PRKN: variants seen among roughly 807,000 people sequenced by gnomAD.
PRKN encodes parkin RBR E3 ubiquitin protein ligase.
A neutral mutation model predicts 59.5 loss-of-function variants in PRKN; 56 were observed. The observed-to-expected ratio is 0.94, with a 90% CI of 0.76 to 1.18. PRKN has a LOEUF of 1.18. Among genes scored for constraint, PRKN ranks in the 50% most tolerant of loss-of-function variants. The pLI is 0.00. For synonymous variants in PRKN, 250 were observed against 222.1 expected, an observed-to-expected ratio of 1.13 and a Z score of -1.12; for missense variants, 657 against 596.4, an observed-to-expected ratio of 1.10 and a Z score of -1.06.
At chr6:162,067,006 A>C (rs145945307) in intron 4 of PRKN, among the ~76,000 whole-genome samples, 1,658 of 152,272 alleles carry the variant, frequency 0.011, 32 homozygotes, top group African/African-American at 0.038. Context: ...AGTGATGACC[A>C]ACGGGATATA....
intron 7 of PRKN, among the ~76,000 whole-genome samples, chr6:161,626,464 G>C (rs1380413174): frequency 1.3e-5 from 2 of 152,204 alleles, no homozygotes; most frequent in African/African-American, 4.8e-5. Context: ...GGAACACACT[G>C]ATATTTTTTC....
At chr6:161,609,710 A>G (rs760687505) in intron 7 of PRKN, among the ~76,000 whole-genome samples, 2 of 152,188 alleles carry the variant, frequency 1.3e-5, no homozygotes, top group Non-Finnish European at 2.9e-5. Flanking sequence ...CTAAGAAAAC[A>G]CTGCAAGTGA....
chr6:161,731,226 G>T (rs1208722083), intron 7 of PRKN, among the ~76,000 whole-genome samples: 1 of 152,260 alleles, frequency 6.6e-6, no homozygotes, highest in African/African-American at 2.4e-5. Flanking sequence ...AGGGTTACAG[G>T]AATAAGGCAC....
chr6:162,706,351 T>C (rs896921770), intron 1 of PRKN, among the ~76,000 whole-genome samples: 1 of 152,178 alleles, frequency 6.6e-6, no homozygotes, highest in Non-Finnish European at 1.5e-5. Flanking sequence ...TTCTGGTCTG[T>C]GAAAAGAGGA....
chr6:162,234,494 T>C (rs6940944), intron 3 of PRKN, among the ~76,000 whole-genome samples: 63,440 of 151,926 alleles, frequency 0.42, 15,154 homozygotes, highest in East Asian at 0.78. Flanking sequence ...GGTTCCAGGA[T>C]GCCCATGGAT....
intron 1 of PRKN, among the ~76,000 whole-genome samples, chr6:162,514,898 T>C (rs751867722): frequency 2.0e-5 from 3 of 152,132 alleles, no homozygotes; most frequent in Non-Finnish European, 2.9e-5. Context: ...AAGTGGTTAA[T>C]AGAAAGTATT....
At chr6:162,618,172 G>A (rs1782509157) in intron 1 of PRKN, among the ~76,000 whole-genome samples, 1 of 151,944 alleles carries the variant, frequency 6.6e-6, no homozygotes, top group African/African-American at 2.4e-5. Flanking sequence ...AAACTGTTTG[G>A]AGCACATTTC....
At position 161,988,639 on chromosome 6, in the gene PRKN, T is replaced by C. The variant is rs973666899; in HGVS notation, c.619-15222A>G. Among the ~76,000 whole-genome samples the C allele has an allele frequency of 2.6e-5, 4 of 151,462 alleles. No homozygotes were observed. In the South Asian group the frequency reaches 8.3e-4, roughly 32 times the overall value. ...TTAATTAAAAGCTAAAAAAGAAGAG[T>C]AAAAACAGAGAAAACCTATTAATAA... On this transcript the variant is annotated intron_variant, in intron 5 of 11. Transcript: ENST00000366898.
intron 5 of PRKN, among the ~76,000 whole-genome samples, chr6:161,992,812 A>T (rs1178038143): frequency 6.6e-5 from 10 of 152,174 alleles, no homozygotes; most frequent in African/African-American, 2.4e-4. Flanking sequence ...AACTTTGGGA[A>T]CTGTACAAAT....
intron 4 of PRKN, among the ~76,000 whole-genome samples, chr6:162,055,035 G>A (rs1169558974): frequency 6.6e-6 from 1 of 152,072 alleles, no homozygotes; most frequent in African/African-American, 2.4e-5. Context: ...GGTGGCACGC[G>A]CCTGTAATCA....
intron 9 of PRKN, among the ~76,000 whole-genome samples, chr6:161,465,748 T>G (rs1205202768): frequency 6.6e-6 from 1 of 152,192 alleles, no homozygotes; most frequent in East Asian, 1.9e-4. Context: ...GGTATTTAAT[T>G]TGATGTTTTC....
chr6:161,820,514 C>T (rs969306895), intron 6 of PRKN, among the ~76,000 whole-genome samples: 1 of 145,734 alleles, frequency 6.9e-6, no homozygotes, highest in African/African-American at 2.5e-5. Context: ...TGTAATTTTT[C>T]ATAATTTAAA....
intron 1 of PRKN, among the ~76,000 whole-genome samples, chr6:162,553,980 C>CGTG (rs1779444723): frequency 6.6e-6 from 1 of 152,082 alleles, no homozygotes; most frequent in Non-Finnish European, 1.5e-5. Context: ...GAGGGACTCC[C>CGTG]GTGGAGGTTA....
chr6:161,714,991 C>T (rs924301534), intron 7 of PRKN, among the ~76,000 whole-genome samples: 4 of 152,188 alleles, frequency 2.6e-5, no homozygotes, highest in African/African-American at 9.7e-5. Flanking sequence ...GGTATTCTTA[C>T]CATTATCCTT....
At chr6:161,723,044 G>C (rs953035506) in intron 7 of PRKN, among the ~76,000 whole-genome samples, 1 of 152,172 alleles carries the variant, frequency 6.6e-6, no homozygotes, top group African/African-American at 2.4e-5. Context: ...CAAGGCGGGT[G>C]GATCACTTGA....
At chr6:161,796,967 T>C (rs1447482796) in intron 6 of PRKN, among the ~76,000 whole-genome samples, 1 of 152,224 alleles carries the variant, frequency 6.6e-6, no homozygotes, top group Non-Finnish European at 1.5e-5. Context: ...TGAAGACAGA[T>C]CTTGTTTGGA....
At chr6:162,654,303 T>C (rs2128227106) in intron 1 of PRKN, among the ~76,000 whole-genome samples, 1 of 152,260 alleles carries the variant, frequency 6.6e-6, no homozygotes, top group Middle Eastern at 3.4e-3. Context: ...AGAAATATCA[T>C]CCTATGAGAT....
intron 9 of PRKN, among the ~76,000 whole-genome samples, chr6:161,500,882 T>C (rs930914874): frequency 2.7e-5 from 4 of 148,126 alleles, no homozygotes; most frequent in East Asian, 1.9e-4. Context: ...TTTTCTTTTT[T>C]TTTTTTTTTT....
intron 5 of PRKN, among the ~76,000 whole-genome samples, chr6:162,028,504 T>C (rs1329555568): frequency 6.6e-6 from 1 of 152,160 alleles, no homozygotes; most frequent in East Asian, 1.9e-4. Context: ...CCTGTGGAGG[T>C]GTGCGTGGAA....
Sources: allele counts gnomAD v4.1 joint callset (sites outside exome capture counted in the v4.1 genomes callset), GRCh38; gene constraint gnomAD v4.1.1; transcripts MANE v1.5; gene names NCBI Gene and HGNC (gene_info 2026-07-23, HGNC 2026-07-21).